PDE6D: variants seen among roughly 807,000 people sequenced by gnomAD.
PDE6D encodes phosphodiesterase 6D.
Under a neutral mutation model 21.9 loss-of-function variants are expected in PDE6D, and 10 were observed. The ratio of observed to expected loss-of-function variants is 0.46; its 90% CI spans 0.28 to 0.78. PDE6D has a LOEUF of 0.78. Among genes scored for constraint, PDE6D ranks in the 30% least tolerant of loss-of-function variants. The pLI, the probability that PDE6D is intolerant of heterozygous loss-of-function variation, is 0.12. For missense variants in PDE6D, 139 were observed against 184.8 expected, an observed-to-expected ratio of 0.75 and a Z score of 1.44; for synonymous variants, 59 against 63.5, an observed-to-expected ratio of 0.93 and a Z score of 0.34.
chr2:231,778,350 T>C (rs887045958), intron 1 of PDE6D, among the ~76,000 whole-genome samples: 3 of 152,126 alleles, frequency 2.0e-5, no homozygotes, highest in African/African-American at 7.2e-5. Context: ...AAAGAAAATA[T>C]TTGCAAAATA....
At chr2:231,736,060 C>G (rs964770217) in intron 4 of PDE6D, among the ~76,000 whole-genome samples, 1 of 150,846 alleles carries the variant, frequency 6.6e-6, no homozygotes, top group Non-Finnish European at 1.5e-5. Context: ...AAAGTAGAGA[C>G]AGGCATGGTG....
At chr2:231,734,414 G>A (rs1007456484) in intron 4 of PDE6D, among the ~76,000 whole-genome samples, 2 of 148,722 alleles carry the variant, frequency 1.3e-5, no homozygotes, top group Non-Finnish European at 3.0e-5. Context: ...AAAAAATCAC[G>A]CCTCGTGAAG....
At chr2:231,756,290 G>C (rs928477768) in intron 1 of PDE6D, among the ~76,000 whole-genome samples, 2 of 152,132 alleles carry the variant, frequency 1.3e-5, no homozygotes, top group African/African-American at 4.8e-5. Flanking sequence ...TTACAACATA[G>C]CTTGGCCATC....
chr2:231,747,712 T>C (rs1445002089), intron 1 of PDE6D, among the ~76,000 whole-genome samples: 3 of 152,160 alleles, frequency 2.0e-5, no homozygotes, highest in African/African-American at 7.2e-5. Flanking sequence ...TCAATCACTA[T>C]GCCCTAGGCA....
chr2:231,769,773 T>A (rs1436007708), intron 1 of PDE6D, among the ~76,000 whole-genome samples: 1 of 152,164 alleles, frequency 6.6e-6, no homozygotes, highest in African/African-American at 2.4e-5. Context: ...CCACATTTTT[T>A]AACAGAGAAT....
chr2:231,781,151 G>C lies in PDE6D; in HGVS notation c.-37C>G. 1 of 1,607,904 alleles carries C rather than the reference G, an allele frequency of 6.2e-7. No individual in the cohort carries two copies. The highest frequency in any genetic ancestry group is 2.2e-5 in the East Asian group (1 of 44,776). On this transcript the variant is annotated 5_prime_UTR_variant, in exon 1 of 5. Coordinates refer to ENST00000287600, the MANE Select transcript of PDE6D (RefSeq NM_002601.4). ...CGCCGCCCGCGGCTTTCTCACTCTGGTCGGCGGAGCCTCGCAGACGGTGCC... is the reference window on the plus strand; with the variant it reads ...CGCCGCCCGCGGCTTTCTCACTCTGCTCGGCGGAGCCTCGCAGACGGTGCC...
At chr2:231,769,431 G>A (rs1475413505) in intron 1 of PDE6D, among the ~76,000 whole-genome samples, 1 of 152,038 alleles carries the variant, frequency 6.6e-6, no homozygotes, top group Non-Finnish European at 1.5e-5. Flanking sequence ...GTGACCTGGT[G>A]AAAACCATAC....
At chr2:231,741,024 G>C (rs1343115996) in intron 1 of PDE6D, among the ~76,000 whole-genome samples, 1 of 146,306 alleles carries the variant, frequency 6.8e-6, no homozygotes. Context: ...TGTAATCCCA[G>C]CTACTCAGGA....
chr2:231,756,600 GC>G (rs1574627212), intron 1 of PDE6D, among the ~76,000 whole-genome samples: 2 of 137,310 alleles, frequency 1.5e-5, no homozygotes, highest in South Asian at 4.8e-4. Context: ...ACTAAACCTG[GC>G]TTTTTTTTTT....
intron 4 of PDE6D, among the ~76,000 whole-genome samples, chr2:231,733,906 T>C (rs1185813303): frequency 1.3e-5 from 2 of 151,904 alleles, no homozygotes; most frequent in Non-Finnish European, 2.9e-5. Flanking sequence ...GGGCAACTGT[T>C]TTTGGGGGTT....
intron 4 of PDE6D, among the ~76,000 whole-genome samples, chr2:231,733,668 C>A (rs1230801525): frequency 6.7e-6 from 1 of 149,916 alleles, no homozygotes; most frequent in Non-Finnish European, 1.5e-5. Context: ...TCCAGGGATT[C>A]CTGCCCATCT....
chr2:231,734,034 A>G (rs2048673013), intron 4 of PDE6D, among the ~76,000 whole-genome samples: 1 of 151,996 alleles, frequency 6.6e-6, no homozygotes, highest in African/African-American at 2.4e-5. Flanking sequence ...AAACAGGGTG[A>G]AACCCTGTCT....
At chr2:231,755,205 T>C (rs560122661) in intron 1 of PDE6D, among the ~76,000 whole-genome samples, 1 of 152,338 alleles carries the variant, frequency 6.6e-6, no homozygotes, top group Non-Finnish European at 1.5e-5. Context: ...AATGTTTCTG[T>C]TGTATATAAA....
chr2:231,766,524 T>C (rs1488990956), intron 1 of PDE6D, among the ~76,000 whole-genome samples: 1 of 152,150 alleles, frequency 6.6e-6, no homozygotes, highest in African/African-American at 2.4e-5. Flanking sequence ...CAAGGCCTTT[T>C]CCCAAGGGCA....
rs1388122169 is a variant in PDE6D at position 231,743,843 on chromosome 2, C to T, written c.51-4655G>A. On this transcript the variant is annotated intron_variant, in intron 1 of 4. Transcript: ENST00000287600. ...CTCTATATGTTAAGAGAAAGCTTCC[C>T]AACGGCAGAAGGAAAACAACAGATA... 2.0e-5 allele frequency among the ~76,000 whole-genome samples: 3 copies of T among 152,118 alleles called. No individual in the cohort carries two copies. The East Asian group carries it at 5.8e-4, about 29-fold the overall frequency.
intron 1 of PDE6D, among the ~76,000 whole-genome samples, chr2:231,744,298 A>T (rs182135189): frequency 6.6e-6 from 1 of 152,366 alleles, no homozygotes; most frequent in Admixed American, 6.5e-5. Flanking sequence ...TTAGTCTTCT[A>T]TCTGGCATTT....
In PDE6D at chr2:231,767,472, C is replaced by T. The variant is rs572390975; in HGVS notation, c.50+13593G>A. 4.6e-5 allele frequency among the ~76,000 whole-genome samples: 7 copies of T among 151,896 alleles called. No individual in the cohort carries two copies. In the East Asian group the frequency reaches 7.8e-4, roughly 17 times the overall value. On this transcript the variant is annotated intron_variant, in intron 1 of 4. Coordinates refer to ENST00000287600, the MANE Select transcript of PDE6D (RefSeq NM_002601.4). ...CTGGGACTACAGGCGCCCGCCACCA[C>T]GCCTGGCTAATTTTTTGTGTTTTTA...
chr2:231,749,244 C>A (rs576205956), intron 1 of PDE6D, among the ~76,000 whole-genome samples: 30 of 152,298 alleles, frequency 2.0e-4, no homozygotes, highest in African/African-American at 6.7e-4. Flanking sequence ...CCGCCTCTTG[C>A]ATCACCGTGA....
At chr2:231,753,111 G>A (rs2048854923) in intron 1 of PDE6D, among the ~76,000 whole-genome samples, 1 of 150,976 alleles carries the variant, frequency 6.6e-6, no homozygotes, top group African/African-American at 2.4e-5. Context: ...GATTACAGGA[G>A]TGAGCCACCG....
Sources: gnomAD v4.1 joint callset for allele counts (sites outside exome capture counted in the v4.1 genomes callset) on GRCh38, gnomAD v4.1.1 for gene constraint, MANE v1.5 for transcripts, NCBI Gene and HGNC (gene_info 2026-07-23, HGNC 2026-07-21) for gene names.